The following NYAP2 variants were observed in gnomAD, a reference collection of about 807,000 sequenced individuals.
The protein encoded by NYAP2 is neuronal tyrosine-phosphorylated phosphoinositide-3-kinase adapter 2.
Under a neutral mutation model 50.4 loss-of-function variants are expected in NYAP2, and 23 were observed. That is an observed-to-expected ratio of 0.46 (90% CI 0.33 to 0.65). The LOEUF (loss-of-function observed/expected upper bound fraction) is 0.65, where lower values mean the gene tolerates loss of function less well. Among genes scored for constraint, NYAP2 ranks in the 30% least tolerant of loss-of-function variants. NYAP2 has a pLI of 0.02. For missense variants in NYAP2, 885 were observed against 861.0 expected (o/e 1.03, Z -0.35); for synonymous variants, 394 against 365.2 (o/e 1.08, Z -0.90).
chr2:225,651,688 C>A (rs1481412171), exon 7 of NYAP2: 1 of 958,334 alleles, frequency 1.0e-6, no homozygotes, highest in South Asian at 1.7e-5. Context: ...GGGATGAGTT[C>A]TGGCAGTCTG....
chr2:225,671,666 T>C, the NYAP2 span, among the ~76,000 whole-genome samples: 2 of 152,138 alleles, frequency 1.3e-5, no homozygotes, highest in Non-Finnish European at 2.9e-5. Context: ...CCAGAAGTTT[T>C]TAAGTTACTT....
chr2:225,415,484 G>A (rs1695107610), intron 3 of NYAP2, among the ~76,000 whole-genome samples: 1 of 152,090 alleles, frequency 6.6e-6, no homozygotes, highest in African/African-American at 2.4e-5. Context: ...TTAGAGAAAT[G>A]TTAACAGTTA....
chr2:225,487,927 A>T (rs1179222565), intron 3 of NYAP2, among the ~76,000 whole-genome samples: 4 of 152,192 alleles, frequency 2.6e-5, no homozygotes. Context: ...ATGATGGCAC[A>T]TCTGTTTATG....
At chr2:225,411,607 G>T (rs1695041140) in intron 3 of NYAP2, among the ~76,000 whole-genome samples, 1 of 150,740 alleles carries the variant, frequency 6.6e-6, no homozygotes. Flanking sequence ...AAATAGAGAT[G>T]ATAAAAAAAA....
intron 3 of NYAP2, among the ~76,000 whole-genome samples, chr2:225,459,438 TA>T (rs1287809472): frequency 6.6e-6 from 1 of 152,188 alleles, no homozygotes; most frequent in African/African-American, 2.4e-5. Context: ...TTAAGAAATT[TA>T]ACGGATTGAA....
intron 5 of NYAP2, among the ~76,000 whole-genome samples, chr2:225,589,494 A>G (rs1438048657): frequency 3.2e-5 from 4 of 123,330 alleles, no homozygotes; most frequent in African/African-American, 1.3e-4. Context: ...ACATACTAAG[A>G]CTATATCTCT....
chr2:225,501,991 G>C (rs1394221500), intron 3 of NYAP2, among the ~76,000 whole-genome samples: 1 of 143,752 alleles, frequency 7.0e-6, no homozygotes, highest in East Asian at 2.1e-4. Flanking sequence ...GAATTCTTGA[G>C]GTCAGAAAGG....
exon 4 of NYAP2, chr2:225,513,631 C>G (rs1452264413): frequency 6.5e-7 from 1 of 1,532,340 alleles, no homozygotes; most frequent in African/African-American, 1.4e-5. Flanking sequence ...GTCAGCAGCA[C>G]TGCAGCCAGT....
chr2:225,525,537 C>T (rs1360385989), intron 4 of NYAP2, among the ~76,000 whole-genome samples: 2 of 152,118 alleles, frequency 1.3e-5, no homozygotes, highest in Non-Finnish European at 2.9e-5. Context: ...TCATATACCT[C>T]ATGTTCTCAC....
At chr2:225,623,018 T>C (rs1050454208) in intron 5 of NYAP2, among the ~76,000 whole-genome samples, 1 of 152,226 alleles carries the variant, frequency 6.6e-6, no homozygotes, top group Admixed American at 6.5e-5. Flanking sequence ...TTAATAAATT[T>C]CCGAAACATG....
At chr2:225,465,100 A>G (rs897741858) in intron 3 of NYAP2, among the ~76,000 whole-genome samples, 1 of 152,216 alleles carries the variant, frequency 6.6e-6, no homozygotes, top group African/African-American at 2.4e-5. Context: ...AAGAGCTGAT[A>G]TAAGGAAAAT....
rs1368602234 is a variant in NYAP2, at chr2:225,518,900, C to A, written c.523+5228C>A. On this transcript the variant is annotated intron_variant, in intron 4 of 6. Transcript: ENST00000636099. ...AGGCATGTGGGCGGGAGCCTGTAAT[C>A]CCAGCTACTCAGAAAGCTGAGGCAG... 2.6e-5 allele frequency among the ~76,000 whole-genome samples: 4 copies of A among 151,910 alleles called. No homozygotes were observed. The East Asian group carries it at 7.8e-4, about 30-fold the overall frequency.
At chr2:225,432,362 CTG>C (rs1173207045) in intron 3 of NYAP2, among the ~76,000 whole-genome samples, 3 of 150,384 alleles carry the variant, frequency 2.0e-5, no homozygotes, top group African/African-American at 7.3e-5. Context: ...TACATTTGTA[CTG>C]TGTTATATAT....
intron 3 of NYAP2, among the ~76,000 whole-genome samples, chr2:225,446,214 C>T (rs1002888482): frequency 1.6e-5 from 1 of 62,660 alleles, no homozygotes; most frequent in African/African-American, 5.5e-5. Context: ...GTCTGTCTGT[C>T]TGTCTCTCTC....
At chr2:225,622,267 A>G (rs1693117757) in intron 5 of NYAP2, among the ~76,000 whole-genome samples, 1 of 152,108 alleles carries the variant, frequency 6.6e-6, no homozygotes, top group Non-Finnish European at 1.5e-5. Flanking sequence ...CCTGAGATCA[A>G]ATGATCCTCC....
At chr2:225,558,616 G>T (rs1574677402) in intron 4 of NYAP2, among the ~76,000 whole-genome samples, 2 of 152,188 alleles carry the variant, frequency 1.3e-5, no homozygotes, top group South Asian at 4.1e-4. Context: ...GACAATCCAG[G>T]CTAATCTCCC....
chr2:225,466,571 T>C (rs1689922130), intron 3 of NYAP2, among the ~76,000 whole-genome samples: 1 of 152,214 alleles, frequency 6.6e-6, no homozygotes, highest in Non-Finnish European at 1.5e-5. Flanking sequence ...GGAGTTATTC[T>C]TATGATTTTC....
At chr2:225,450,116 A>T (rs1409759566) in intron 3 of NYAP2, among the ~76,000 whole-genome samples, 2 of 152,180 alleles carry the variant, frequency 1.3e-5, no homozygotes, top group Non-Finnish European at 2.9e-5. Context: ...GATGCCATAG[A>T]CACTAGAAAT....
intron 6 of NYAP2, among the ~76,000 whole-genome samples, chr2:225,649,915 C>G (rs1341951111): frequency 1.3e-5 from 2 of 152,180 alleles, no homozygotes; most frequent in Non-Finnish European, 2.9e-5. Context: ...AGCTCTAAGT[C>G]CAAACCTTGT....
Sources: gnomAD v4.1 joint callset for allele counts (sites outside exome capture counted in the v4.1 genomes callset) on GRCh38, gnomAD v4.1.1 for gene constraint, MANE v1.5 for transcripts, NCBI Gene and HGNC (gene_info 2026-07-23, HGNC 2026-07-21) for gene names.